FAM78A: variants seen among roughly 807,000 people sequenced by gnomAD.
FAM78A encodes the protein family with sequence similarity 78 member A.
A neutral mutation model predicts 22.6 loss-of-function variants in FAM78A; 12 were observed. That is an observed-to-expected ratio of 0.53 (90% CI 0.34 to 0.86). The LOEUF (loss-of-function observed/expected upper bound fraction) is 0.86, where lower values mean the gene tolerates loss of function less well. Among genes scored for constraint, FAM78A ranks in the 40% least tolerant of loss-of-function variants. The pLI, the probability that FAM78A is intolerant of heterozygous loss-of-function variation, is 0.02. For synonymous variants in FAM78A, 151 were observed against 155.8 expected (o/e 0.97, Z 0.23); for missense variants, 322 against 396.1 (o/e 0.81, Z 1.59).
intron 1 of FAM78A, chr9:131,264,706 G>C: frequency 1.5e-6 from 1 of 666,596 alleles, no homozygotes; most frequent in Non-Finnish European, 2.7e-6. Context: ...GCCCTAATTT[G>C]ACCTGAAGCC....
intron 1 of FAM78A, among the ~76,000 whole-genome samples, chr9:131,273,722 A>G (rs528311060): frequency 2.6e-5 from 4 of 152,166 alleles, no homozygotes; most frequent in East Asian, 1.9e-4. Flanking sequence ...CAATCACAAC[A>G]CCGCTAAGGA....
In FAM78A at chr9:131,261,161, G is replaced by A. The variant is rs369983121; in HGVS notation, c.513C>T (p.Pro171=). The A allele has an allele frequency of 4.1e-5, 66 of 1,614,106 alleles. No individual in the cohort carries two copies. The highest frequency in any genetic ancestry group is 3.5e-4 in the African/African-American group (26 of 75,036). The change falls in exon 2 of 2, where the codon CCC becomes CCT. Residue 171 remains proline, a synonymous_variant. Transcript: ENST00000372271. This position sits in a 1 kb window ranked among gnomAD's most constrained non-coding sequence, Gnocchi z 7.1. ...NFYPSVTWAV[P]VSESNVAKLT... The stretch of plus-strand genomic sequence containing the variant: ...GCTTGGCCACGTTGCTCTCGCTGAC[G>A]GGCACGGCCCATGTGACGCTGGGGT...
At position 131,260,257 on chromosome 9, in the gene FAM78A, A is replaced by G. The variant is rs1410649028; in HGVS notation, c.*565T>C. The G allele has an allele frequency of 6.5e-6, 1 of 152,732 alleles. No homozygotes were observed. The highest frequency in any genetic ancestry group is 1.5e-5 in the Non-Finnish European group (1 of 68,104). 9.5% of individuals were successfully genotyped at this position (152,732 alleles called of 1,614,324 possible). On this transcript the variant is annotated 3_prime_UTR_variant, in exon 2 of 2. Coordinates refer to ENST00000372271, the MANE Select transcript of FAM78A (RefSeq NM_033387.4). This position sits in a 1 kb window ranked among gnomAD's most constrained non-coding sequence, Gnocchi z 5.4. ...TGGCAGAAGAGGAAAAGTCCGGTAG[A>G]AAAGAGATCCTGCTTTCTTTCTCCG...
chr9:131,264,464 A>G (rs1041891625), intron 1 of FAM78A: 7 of 648,532 alleles, frequency 1.1e-5, no homozygotes, highest in Non-Finnish European at 2.0e-5. Context: ...AGCCCCAGCT[A>G]CTCGCACTGT....
chr9:131,261,301 T>TTG lies in FAM78A; in HGVS notation c.372_373insCA (p.Ser125GlnfsTer7). ...GGGTAGTTCACCCCATCCGAGTCGC[T>TTG]GATGGCTTGGATCTTGCCCTCCTGG... On this transcript the variant is annotated frameshift_variant, in exon 2 of 2. Transcript: ENST00000372271. LOFTEE classifies it high-confidence loss of function. This position sits in a 1 kb window ranked among gnomAD's most constrained non-coding sequence, Gnocchi z 7.1. 6.2e-7 allele frequency: 1 copy of TTG among 1,603,648 alleles called. No individual in the cohort carries two copies. The highest frequency in any genetic ancestry group is 1.7e-5 in the Admixed American group (1 of 59,828).
intron 1 of FAM78A, chr9:131,270,651 A>G: frequency 1.6e-6 from 1 of 635,724 alleles, no homozygotes; most frequent in South Asian, 1.6e-5. Flanking sequence ...GGCCCAGCAG[A>G]TGGGGGAGGC....
At chr9:131,276,968 G>A (rs953024020), upstream of FAM78A, among the ~76,000 whole-genome samples, 1 of 149,562 alleles carries the variant, frequency 6.7e-6, no homozygotes, top group African/African-American at 2.4e-5. This position sits in a 1 kb window ranked among gnomAD's most constrained non-coding sequence, Gnocchi z 4.3. Context: ...AAGGGACAGC[G>A]CGTCAAGGCC....
At chr9:131,267,629 C>A (rs1413761897) in intron 1 of FAM78A, among the ~76,000 whole-genome samples, 1 of 152,138 alleles carries the variant, frequency 6.6e-6, no homozygotes, top group East Asian at 1.9e-4. Flanking sequence ...TTCTAATAGG[C>A]AATAAATATG....
At chr9:131,273,319 C>T (rs1043728555) in intron 1 of FAM78A, among the ~76,000 whole-genome samples, 11 of 152,230 alleles carry the variant, frequency 7.2e-5, no homozygotes, top group African/African-American at 2.7e-4. Flanking sequence ...TGCCCGACTG[C>T]TCCAAGCCGC....
intron 1 of FAM78A, among the ~76,000 whole-genome samples, chr9:131,267,784 G>A (rs939600787): frequency 4.7e-5 from 7 of 150,148 alleles, no homozygotes; most frequent in Admixed American, 2.6e-4. Flanking sequence ...GGTGGCTCAC[G>A]CCTGTAATCC....
rs1210139447 is a variant in FAM78A at position 131,275,613 on chromosome 9, G to A, written c.323+244C>T. 6.6e-6 allele frequency among the ~76,000 whole-genome samples: 1 copy of A among 152,234 alleles called. No homozygotes were observed. Among genetic ancestry groups the A allele is most frequent in the Admixed American group, 6.5e-5 (1 of 15,282 alleles). On this transcript the variant is annotated intron_variant, in intron 1 of 1. Coordinates refer to ENST00000372271, the MANE Select transcript of FAM78A (RefSeq NM_033387.4). The surrounding 1 kb of genome is among the most constrained non-coding windows in gnomAD (Gnocchi z 4.6). Reference sequence around the variant, plus strand: ...TCGGCATCTTGCAGGGAAGGACACAGGAACCCGGGGGGAACAGTGGCAGGG... The same window carrying A: ...TCGGCATCTTGCAGGGAAGGACACAAGAACCCGGGGGGAACAGTGGCAGGG...
In FAM78A at chr9:131,261,045, T is replaced by C; in HGVS notation, c.629A>G (p.His210Arg). 6.2e-7 allele frequency: 1 copy of C among 1,614,118 alleles called. No individual in the cohort carries two copies. Among genetic ancestry groups the C allele is most frequent in the Non-Finnish European group, 8.5e-7 (1 of 1,180,010 alleles). The change falls in exon 2 of 2, where the codon CAC (histidine) becomes CGC (arginine). Residue 210 changes from histidine (H) to arginine (R), a missense_variant. By Grantham distance (29) the His-to-Arg change is conservative. Coordinates refer to ENST00000372271, the MANE Select transcript of FAM78A (RefSeq NM_033387.4). The surrounding 1 kb of genome is among the most constrained non-coding windows in gnomAD (Gnocchi z 7.1). ...CTCGATGCTGAGCTGCATGCGCCAG[T>C]GCAGCGTCTGCAGGATGATCATGTC... is the stretch of plus-strand genomic sequence containing the variant. ...TNDMIILQTL[H>R]WRMQLSIEVN...
At position 131,261,210 on chromosome 9, in the gene FAM78A, A is replaced by C. The variant is rs534525200; in HGVS notation, c.464T>G (p.Ile155Ser). 1.1e-5 allele frequency: 17 copies of C among 1,613,106 alleles called. No individual in the cohort carries two copies. The South Asian group carries it at 1.6e-4, about 16-fold the overall frequency. ...GTAAAAGTTGTCATTCATGCTGATGATGAACTTGGAGTCCCTCTTGGTGGG... is the reference window on the plus strand; with the variant it reads ...GTAAAAGTTGTCATTCATGCTGATGCTGAACTTGGAGTCCCTCTTGGTGGG... ...VGPTKRDSKF[I>S]ISMNDNFYPS... Residue 155 changes from isoleucine to serine, a missense_variant, in exon 2 of 2, where the codon ATC becomes AGC. Ile to Ser is a moderately radical substitution (Grantham distance 142). Transcript: ENST00000372271. The surrounding 1 kb of genome is among the most constrained non-coding windows in gnomAD (Gnocchi z 7.1).
intron 1 of FAM78A, among the ~76,000 whole-genome samples, chr9:131,273,312 C>A (rs989203583): frequency 6.6e-6 from 1 of 152,232 alleles, no homozygotes; most frequent in Non-Finnish European, 1.5e-5. Context: ...ACCCTTCTGC[C>A]CGACTGCTCC....
upstream of FAM78A, among the ~76,000 whole-genome samples, chr9:131,277,120 C>T (rs1211601425): frequency 6.6e-6 from 1 of 151,042 alleles, no homozygotes; most frequent in East Asian, 1.9e-4. The surrounding 1 kb of genome is among the most constrained non-coding windows in gnomAD (Gnocchi z 8.4). Context: ...CGCGCCCGCC[C>T]CGTCAGTGGC....
Position 131,275,744 on chromosome 9 carries a change from CT to C in FAM78A, c.323+112del. On this transcript the variant is annotated intron_variant, in intron 1 of 1. Transcript: ENST00000372271. The surrounding 1 kb of genome is among the most constrained non-coding windows in gnomAD (Gnocchi z 4.6). ...TACCTGCCTAAAGCTTCCCTCTGGC[CT>C]CCGTCCTGTCTTCATGGTATCTCCA... 1.7e-6 allele frequency: 2 copies of C among 1,188,322 alleles called. No homozygotes were observed. Among genetic ancestry groups the C allele is most frequent in the Non-Finnish European group, 2.3e-6 (2 of 865,018 alleles). The allele number at this position is 1,188,322 out of a possible 1,614,324, so 73.6% of individuals were successfully genotyped here.
chr9:131,267,328 A>G (rs1835357689), intron 1 of FAM78A, among the ~76,000 whole-genome samples: 1 of 152,212 alleles, frequency 6.6e-6, no homozygotes, highest in African/African-American at 2.4e-5. Flanking sequence ...CAGGAGGTCA[A>G]GACCAGCCAG....
rs574411511 is a variant in FAM78A at position 131,272,185 on chromosome 9, T to C, written c.323+3672A>G. 3.7e-4 allele frequency among the ~76,000 whole-genome samples: 57 copies of C among 152,206 alleles called. 1 individual carries two copies. Among genetic ancestry groups the C allele is most frequent in the Non-Finnish European group, 6.0e-4 (41 of 68,032 alleles). ...AATTAACATTTTGGATACAAGCCCATTTGTAAAGAATGAAAGCCCTAACCT... is the reference window on the plus strand; with the variant it reads ...AATTAACATTTTGGATACAAGCCCACTTGTAAAGAATGAAAGCCCTAACCT... On this transcript the variant is annotated intron_variant, in intron 1 of 1. Coordinates refer to ENST00000372271, the MANE Select transcript of FAM78A (RefSeq NM_033387.4). The surrounding 1 kb of genome is among the most constrained non-coding windows in gnomAD (Gnocchi z 4.1).
At chr9:131,263,888 C>T (rs1835306835) in intron 1 of FAM78A, 1 of 152,348 alleles carries the variant, frequency 6.6e-6, no homozygotes, top group South Asian at 2.1e-4. Context: ...GCTCAGACAA[C>T]CTCACTGTCC....
Sources: allele counts gnomAD v4.1 joint callset (sites outside exome capture counted in the v4.1 genomes callset), GRCh38; gene constraint gnomAD v4.1.1; non-coding constraint Gnocchi (gnomAD v3.1); transcripts MANE v1.5; gene names NCBI Gene and HGNC (gene_info 2026-07-23, HGNC 2026-07-21).